The following TMEM131L variants were observed in gnomAD, a reference collection of about 807,000 sequenced individuals.
The protein encoded by TMEM131L is transmembrane 131 like, also known as transmembrane protein 131-like.
A neutral mutation model predicts 192.2 loss-of-function variants in TMEM131L; 54 were observed. The observed-to-expected ratio is 0.28, with a 90% CI of 0.23 to 0.35. The LOEUF is 0.35. Among genes scored for constraint, TMEM131L ranks in the 10% least tolerant of loss-of-function variants. The pLI is 1.00. For synonymous variants in TMEM131L, 701 were observed against 704.9 expected (o/e 0.99, Z 0.09); for missense variants, 1,888 against 1,972.9 (o/e 0.96, Z 0.82).
chr4:153,561,075 A>G (rs1209017881), intron 7 of TMEM131L, among the ~76,000 whole-genome samples: 1 of 152,202 alleles, frequency 6.6e-6, no homozygotes, highest in Non-Finnish European at 1.5e-5. Context: ...TTAAATAGCC[A>G]TCTTACTGAG....
chr4:153,545,290 C>CT lies in TMEM131L; in HGVS notation c.240-4768dup, dbSNP rs59852943. ...CTCTTGTATCAGCCACTTTTTCAAA[C>CT]TTTTTTTTTTTTTTTGAGATGGAGT... On this transcript the variant is annotated intron_variant, in intron 3 of 34. Coordinates refer to ENST00000409959, the MANE Select transcript of TMEM131L (RefSeq NM_001131007.2). Among the ~76,000 whole-genome samples the CT allele has an allele frequency of 1.9e-3, 256 of 132,296 alleles. 3 individuals carry two copies. The highest frequency in any genetic ancestry group is 3.8e-3 in the Middle Eastern group (1 of 260). The allele number at this position is 132,296 out of a possible 152,430, so 86.8% of individuals were successfully genotyped here.
chr4:153,472,972 C>G (rs965133045), intron 2 of TMEM131L, among the ~76,000 whole-genome samples: 1 of 152,246 alleles, frequency 6.6e-6, no homozygotes, highest in East Asian at 1.9e-4. Flanking sequence ...TAGAGATCTG[C>G]AGCAGCAAGT....
At chr4:153,620,113 C>T (rs963296199) in intron 26 of TMEM131L, among the ~76,000 whole-genome samples, 30 of 152,300 alleles carry the variant, frequency 2.0e-4, no homozygotes, top group African/African-American at 6.7e-4. Flanking sequence ...ATCCCTCTCC[C>T]GTTGGGTCTG....
intron 2 of TMEM131L, among the ~76,000 whole-genome samples, chr4:153,473,576 A>C (rs568937695): frequency 1.2e-4 from 19 of 152,102 alleles, no homozygotes; most frequent in Non-Finnish European, 8.8e-5. Flanking sequence ...GGTGGATCAC[A>C]AGGTCAGGAG....
rs898423160 is a variant in TMEM131L at position 153,636,680 on chromosome 4, A to G, written c.*104A>G. ...TTATGACATTGGTGGATATTTTGGC[A>G]CTTTTATATGAAAATAAATTTTTTA... is the stretch of plus-strand genomic sequence containing the variant. On this transcript the variant is annotated 3_prime_UTR_variant, in exon 35 of 35. Transcript: ENST00000409959. The G allele has an allele frequency of 8.6e-7, 1 of 1,167,630 alleles. No individual in the cohort carries two copies. 72.3% of individuals were successfully genotyped at this position (1,167,630 alleles called of 1,614,324 possible).
rs1423837060 is a variant in TMEM131L, at chr4:153,604,160, C to T, written c.3148C>T (p.Pro1050Ser). 5 of 1,614,132 alleles carry T rather than the reference C, an allele frequency of 3.1e-6. No homozygotes were observed. Among genetic ancestry groups the T allele is most frequent in the Non-Finnish European group, 4.2e-6 (5 of 1,180,016 alleles). The change falls in exon 25 of 35, where the codon CCC becomes TCC. Residue 1050 changes from proline to serine, a missense_variant. Coordinates refer to ENST00000409959, the MANE Select transcript of TMEM131L (RefSeq NM_001131007.2). ...NVNLQKNLTL[P>S]KNLLNKEENT... is the part of the protein sequence containing the mutation. ...CAACCTGCAGAAGAATTTAACCCTT[C>T]CCAAAAACTTACTGAATAAAGAAGA...
At position 153,604,144 on chromosome 4, in the gene TMEM131L, G is replaced by A; in HGVS notation, c.3132G>A (p.Gln1044=). The A allele has an allele frequency of 1.2e-6, 2 of 1,614,146 alleles. No individual in the cohort carries two copies. Among genetic ancestry groups the A allele is most frequent in the Non-Finnish European group, 1.7e-6 (2 of 1,180,026 alleles). ...CAAGTGGCATAAATGTCAACCTGCA[G>A]AAGAATTTAACCCTTCCCAAAAACT... The part of the protein sequence containing the change: ...RYASGINVNL[Q]KNLTLPKNLL... The change falls in exon 25 of 35, where the codon CAG becomes CAA. Residue 1044 remains glutamine (Q), a synonymous_variant. Transcript: ENST00000409959.
At chr4:153,586,664 A>G (rs1346661124) in intron 14 of TMEM131L, among the ~76,000 whole-genome samples, 1 of 152,222 alleles carries the variant, frequency 6.6e-6, no homozygotes, top group Non-Finnish European at 1.5e-5. Context: ...CAAAATTTGT[A>G]GAGCAACCAG....
chr4:153,554,584 G>A (rs895837041), intron 4 of TMEM131L, among the ~76,000 whole-genome samples: 4 of 151,996 alleles, frequency 2.6e-5, no homozygotes, highest in African/African-American at 7.2e-5. Flanking sequence ...CTAATTTTAC[G>A]GAATTCATTC....
intron 3 of TMEM131L, among the ~76,000 whole-genome samples, chr4:153,525,404 A>G (rs1372055480): frequency 6.6e-6 from 1 of 152,000 alleles, no homozygotes; most frequent in Non-Finnish European, 1.5e-5. Flanking sequence ...CAGTGGCGCT[A>G]TCTCGGCTCA....
At chr4:153,612,482 T>C (rs1285126142) in intron 26 of TMEM131L, 82 bp downstream of exon 26, 57 of 1,030,566 alleles carry the variant, frequency 5.5e-5, no homozygotes, top group Non-Finnish European at 7.1e-5. Flanking sequence ...ATTTCATATG[T>C]TTCACTGCAT....
chr4:153,558,237 A>G (rs755893583), intron 6 of TMEM131L, 21 bp from the exon 7 acceptor site: 194 of 1,324,978 alleles, frequency 1.5e-4, no homozygotes, highest in East Asian at 4.2e-4. Flanking sequence ...CAGAGGAGCA[A>G]TTCTCTCTCT....
rs932110335 is a variant in TMEM131L, at chr4:153,485,401, T to A, written c.239+11513T>A. ...CATGCATGTTGGATTAAAACTGAAC[T>A]TCTTCTGTAGGAAAGATGATTTGCC... On this transcript the variant is annotated intron_variant, in intron 3 of 34. Transcript: ENST00000409959. Among the ~76,000 whole-genome samples the A allele has an allele frequency of 5.9e-5, 9 of 152,238 alleles. No individual in the cohort carries two copies. In the South Asian group the frequency reaches 1.9e-3, roughly 31 times the overall value.
At chr4:153,577,526 C>T (rs143939129) in intron 7 of TMEM131L, among the ~76,000 whole-genome samples, 1 of 152,204 alleles carries the variant, frequency 6.6e-6, no homozygotes, top group East Asian at 1.9e-4. Flanking sequence ...AGCACGAAGG[C>T]AATAGTAGAC....
intron 2 of TMEM131L, 128 bp from the exon 3 acceptor site, chr4:153,473,717 A>T (rs1731320001): frequency 3.1e-6 from 2 of 636,518 alleles, no homozygotes; most frequent in Admixed American, 6.4e-5. Context: ...GCTTGAACCC[A>T]GGAGGCGGAG....
chr4:153,585,403 G>A (rs958279159), intron 12 of TMEM131L, 55 bp from the exon 13 acceptor site: 3 of 1,560,920 alleles, frequency 1.9e-6, no homozygotes, highest in Middle Eastern at 3.4e-4. Context: ...CTCATAAGAG[G>A]GCTGACTGTT....
At chr4:153,586,507 T>G (rs1730709630) in intron 14 of TMEM131L, 128 bp downstream of exon 14, 5 of 600,592 alleles carry the variant, frequency 8.3e-6, no homozygotes, top group Non-Finnish European at 1.4e-5. Flanking sequence ...AACTGAAGGA[T>G]ATTACCAGGC....
At chr4:153,610,811 G>T (rs1236157299) in intron 25 of TMEM131L, among the ~76,000 whole-genome samples, 1 of 152,188 alleles carries the variant, frequency 6.6e-6, no homozygotes, top group Non-Finnish European at 1.5e-5. Flanking sequence ...GCCTCTGCTG[G>T]TAATCTGGTT....
Position 153,466,396 on chromosome 4 carries a change from G to A in TMEM131L, c.-2G>A. 2 of 1,331,830 alleles carry A rather than the reference G, an allele frequency of 1.5e-6. No homozygotes were observed. Among genetic ancestry groups the A allele is most frequent in the Non-Finnish European group, 1.9e-6 (2 of 1,036,606 alleles). The allele number at this position is 1,331,830 out of a possible 1,614,324, so 82.5% of individuals were successfully genotyped here. Reference sequence around the variant, plus strand: ...GCAACGGAGAGGAGCGCGAGCAGCAGCATGGCGGGGCTCCGACGCCCGCAG... The same window carrying A: ...GCAACGGAGAGGAGCGCGAGCAGCAACATGGCGGGGCTCCGACGCCCGCAG... On this transcript the variant is annotated 5_prime_UTR_variant, in exon 1 of 35. Coordinates refer to ENST00000409959, the MANE Select transcript of TMEM131L (RefSeq NM_001131007.2).
Sources: gnomAD v4.1 joint callset for allele counts (sites outside exome capture counted in the v4.1 genomes callset) on GRCh38, gnomAD v4.1.1 for gene constraint, MANE v1.5 for transcripts, NCBI Gene and HGNC (gene_info 2026-07-23, HGNC 2026-07-21) for gene names.